Variants in TCF7L2 observed in about 807,000 individuals in gnomAD.
TCF7L2 encodes transcription factor 7 like 2.
TCF7L2 carries 23 observed loss-of-function variants against 77.9 expected under a neutral mutation model. That is an observed-to-expected ratio of 0.30 (90% CI 0.21 to 0.42). The LOEUF (loss-of-function observed/expected upper bound fraction) is 0.42. Among genes scored for constraint, TCF7L2 ranks in the 10% least tolerant of loss-of-function variants. TCF7L2 has a pLI of 1.00. For synonymous variants in TCF7L2, 413 were observed against 340.2 expected (o/e 1.21, Z -2.36); for missense variants, 654 against 793.1 (o/e 0.82, Z 2.11).
At chr10:113,133,482 T>C (rs184866062) in intron 5 of TCF7L2, among the ~76,000 whole-genome samples, 2 of 152,306 alleles carry the variant, frequency 1.3e-5, no homozygotes, top group African/African-American at 4.8e-5. Flanking sequence ...CCCTTCATGT[T>C]TGGCAGTCTG....
At position 113,166,964 on chromosome 10, in the gene TCF7L2, C is replaced by T. The variant is rs2074067863; in HGVS notation, c.*992C>T. On this transcript the variant is annotated 3_prime_UTR_variant, in exon 14 of 14. Coordinates refer to ENST00000627217, the MANE Select transcript of TCF7L2 (RefSeq NM_001146274.2). ...AATGAGTGAGGGAATTTTAGCGACA[C>T]TGTCTGAGCAGCAGTGGGAACCATC... 4.3e-6 allele frequency: 1 copy of T among 231,202 alleles called. No homozygotes were observed. The highest frequency in any genetic ancestry group is 8.6e-6 in the Non-Finnish European group (1 of 116,844). The allele number at this position is 231,202 out of a possible 1,614,324, so 14.3% of individuals were successfully genotyped here. A position where few individuals can be genotyped will look rare whatever the true frequency, so the allele number is the denominator to read the frequency against.
intron 4 of TCF7L2, among the ~76,000 whole-genome samples, chr10:112,983,332 A>T (rs182610315): frequency 6.6e-6 from 1 of 151,824 alleles, no homozygotes; most frequent in Non-Finnish European, 1.5e-5. Context: ...TTAGCAGGGC[A>T]TGGTGGTGGG....
intron 4 of TCF7L2, 55 bp downstream of exon 4, chr10:112,964,679 G>A (rs2036093379): frequency 2.0e-6 from 3 of 1,488,892 alleles, no homozygotes; most frequent in Non-Finnish European, 2.8e-6. Context: ...GGTCTCTTGT[G>A]TGTTTTATTC....
intron 5 of TCF7L2, among the ~76,000 whole-genome samples, chr10:113,107,763 A>AAC (rs1337845396): frequency 1.3e-5 from 2 of 150,654 alleles, no homozygotes; most frequent in East Asian, 3.9e-4. Context: ...AAAAAAAAAA[A>AAC]AAAAAAAAAA....
At chr10:113,117,056 T>G (rs948368194) in intron 5 of TCF7L2, among the ~76,000 whole-genome samples, 8 of 152,206 alleles carry the variant, frequency 5.3e-5, no homozygotes, top group African/African-American at 1.9e-4. Context: ...TGTCGGGGCA[T>G]TATTTAATGG....
At chr10:113,023,700 G>A (rs1187573214) in intron 4 of TCF7L2, among the ~76,000 whole-genome samples, 4 of 150,394 alleles carry the variant, frequency 2.7e-5, no homozygotes, top group Admixed American at 6.6e-5. Flanking sequence ...ACGGAGTCTC[G>A]CTCTGTTGCC....
chr10:113,120,196 C>A (rs533010990), intron 5 of TCF7L2, among the ~76,000 whole-genome samples: 6 of 152,120 alleles, frequency 3.9e-5, no homozygotes, highest in African/African-American at 1.4e-4. Context: ...TTATTTGACT[C>A]TTTTTCTTTT....
At chr10:113,057,643 C>T (rs1037531606) in intron 5 of TCF7L2, among the ~76,000 whole-genome samples, 1 of 152,182 alleles carries the variant, frequency 6.6e-6, no homozygotes, top group Admixed American at 6.5e-5. Flanking sequence ...CTGTTGGCTA[C>T]TTAACAGGAT....
rs565274055 is a variant in TCF7L2 at position 113,020,096 on chromosome 10, G to T, written c.451-19929G>T. Among the ~76,000 whole-genome samples the T allele has an allele frequency of 4.6e-5, 7 of 152,320 alleles. 1 individual carries two copies. The South Asian group carries it at 1.4e-3, about 32-fold the overall frequency. Reference sequence around the variant, plus strand: ...CTGTGGCCCGAGGGTAAGCTTTTTAGAAGTGAGTGTGTGTGTTGTGTTGTT... The same window carrying T: ...CTGTGGCCCGAGGGTAAGCTTTTTATAAGTGAGTGTGTGTGTTGTGTTGTT... On this transcript the variant is annotated intron_variant, in intron 4 of 13. Transcript: ENST00000627217.
chr10:113,082,833 T>C (rs2135483648), intron 5 of TCF7L2, among the ~76,000 whole-genome samples: 1 of 151,960 alleles, frequency 6.6e-6, no homozygotes, highest in African/African-American at 2.4e-5. Flanking sequence ...TTAGAAGTCA[T>C]CCAGCAGCCA....
At chr10:113,027,782 C>T (rs539849779) in intron 4 of TCF7L2, among the ~76,000 whole-genome samples, 12 of 152,236 alleles carry the variant, frequency 7.9e-5, no homozygotes, top group South Asian at 4.2e-4. Flanking sequence ...TTCTCTCCCC[C>T]CCTCACCCTA....
chr10:113,073,535 C>CAAAAAAA (rs2058334713), intron 5 of TCF7L2, among the ~76,000 whole-genome samples: 1 of 73,026 alleles, frequency 1.4e-5, no homozygotes, highest in African/African-American at 5.7e-5. Context: ...AAAAAAAAAT[C>CAAAAAAA]AAAAAAATTA....
chr10:113,144,762 G>GCTAGGC (rs1457859143), intron 7 of TCF7L2, among the ~76,000 whole-genome samples: 3 of 152,280 alleles, frequency 2.0e-5, no homozygotes, highest in Non-Finnish European at 2.9e-5. Context: ...GCAGTGCCCA[G>GCTAGGC]ATTATTTGAC....
At chr10:113,037,266 T>C (rs1394498589) in intron 4 of TCF7L2, among the ~76,000 whole-genome samples, 1 of 152,184 alleles carries the variant, frequency 6.6e-6, no homozygotes, top group African/African-American at 2.4e-5. Flanking sequence ...ATTCAAGGAA[T>C]GGGCTTGGAT....
At chr10:113,056,294 G>A (rs1039882769) in intron 5 of TCF7L2, among the ~76,000 whole-genome samples, 3 of 152,200 alleles carry the variant, frequency 2.0e-5, no homozygotes, top group East Asian at 3.8e-4. Context: ...GCTGAATACC[G>A]CGCCTCATTG....
intron 4 of TCF7L2, among the ~76,000 whole-genome samples, chr10:113,021,879 T>C (rs903981846): frequency 6.6e-6 from 1 of 152,214 alleles, no homozygotes; most frequent in African/African-American, 2.4e-5. Flanking sequence ...AGGCTGGCGA[T>C]GGTCCCGAAA....
intron 4 of TCF7L2, among the ~76,000 whole-genome samples, chr10:113,019,771 G>A (rs1590552384): frequency 6.7e-6 from 1 of 148,876 alleles, no homozygotes; most frequent in African/African-American, 2.5e-5. Context: ...TTTTTCAGGT[G>A]TGCAGGCGGT....
intron 4 of TCF7L2, among the ~76,000 whole-genome samples, chr10:112,982,252 T>C (rs745593862): frequency 1.3e-5 from 2 of 152,152 alleles, no homozygotes; most frequent in Non-Finnish European, 2.9e-5. Context: ...AACATAAGGC[T>C]GAAACTTTTT....
chr10:113,046,245 C>T (rs2053430427), intron 5 of TCF7L2, among the ~76,000 whole-genome samples: 1 of 152,170 alleles, frequency 6.6e-6, no homozygotes, highest in East Asian at 1.9e-4. Flanking sequence ...TGTGTGACCT[C>T]AGTTGTAGCC....
Sources: gnomAD v4.1 joint callset for allele counts (sites outside exome capture counted in the v4.1 genomes callset) on GRCh38, gnomAD v4.1.1 for gene constraint, MANE v1.5 for transcripts, NCBI Gene and HGNC (gene_info 2026-07-23, HGNC 2026-07-21) for gene names.